Variants in WDR72 observed in about 807,000 individuals in gnomAD.
WDR72 encodes the protein WD repeat-containing protein 72.
In WDR72, 120 loss-of-function variants were observed where a neutral mutation model predicts 124.2. The ratio of observed to expected loss-of-function variants is 0.97; its 90% CI spans 0.83 to 1.12. The LOEUF is 1.12. WDR72 is among the 50% of genes most tolerant of loss of function. The pLI is 0.00. For synonymous variants in WDR72, 452 were observed against 441.7 expected (o/e 1.02, Z -0.29); for missense variants, 1,387 against 1,278.8 (o/e 1.08, Z -1.29).
intron 6 of WDR72, among the ~76,000 whole-genome samples, chr15:53,713,222 C>T (rs748398457): frequency 3.0e-4 from 43 of 143,924 alleles, no homozygotes; most frequent in Non-Finnish European, 4.8e-4. Flanking sequence ...ATCAGGAAAT[C>T]CACTTAGATT....
chr15:53,712,605 C>CAA lies in WDR72; in HGVS notation c.711+165_711+166dup, dbSNP rs58068565. 2.5e-4 allele frequency among the ~76,000 whole-genome samples: 37 copies of CAA among 145,962 alleles called. 1 individual carries two copies. The highest frequency in any genetic ancestry group is 4.3e-4 in the South Asian group (2 of 4,644). ...GTGAGACTGTCAACCACCCCACCGC[C>CAA]AAAAAAAAAAACTGTTACGTCAGTC... On this transcript the variant is annotated intron_variant, in intron 7 of 19. Transcript: ENST00000360509.
chr15:53,711,613 T>G, intron 7 of WDR72, 132 bp from the exon 8 acceptor site: 1 of 969,638 alleles, frequency 1.0e-6, no homozygotes, highest in Non-Finnish European at 1.6e-6. Context: ...ACTCTCATAT[T>G]AAGATGATAT....
intron 14 of WDR72, among the ~76,000 whole-genome samples, chr15:53,664,321 C>G (rs912862659): frequency 6.6e-6 from 1 of 152,178 alleles, no homozygotes; most frequent in South Asian, 2.1e-4. Context: ...AGTTTATATA[C>G]TCATTTTTTA....
intron 14 of WDR72, among the ~76,000 whole-genome samples, chr15:53,643,719 C>T (rs536511807): frequency 2.0e-5 from 3 of 149,798 alleles, no homozygotes; most frequent in East Asian, 1.9e-4. Context: ...AAAACTGAAA[C>T]GTGCGTGTAT....
chr15:53,555,497 G>A (rs183898193), intron 18 of WDR72, among the ~76,000 whole-genome samples: 2 of 152,042 alleles, frequency 1.3e-5, no homozygotes, highest in African/African-American at 4.8e-5. Context: ...TTTTATATCA[G>A]TTTTCTCCTT....
intron 14 of WDR72, among the ~76,000 whole-genome samples, chr15:53,644,302 T>C (rs2014963360): frequency 6.6e-6 from 1 of 152,092 alleles, no homozygotes; most frequent in Admixed American, 6.6e-5. Flanking sequence ...TTCTTGGTGG[T>C]ACATAGTTTT....
At chr15:53,669,441 G>C (rs1234957259) in intron 13 of WDR72, among the ~76,000 whole-genome samples, 1 of 152,126 alleles carries the variant, frequency 6.6e-6, no homozygotes, top group Non-Finnish European at 1.5e-5. Context: ...AGGGCTAGGA[G>C]TCATCCTTCA....
intron 2 of WDR72, among the ~76,000 whole-genome samples, chr15:53,725,802 A>C (rs1168877859): frequency 6.6e-6 from 1 of 152,160 alleles, no homozygotes; most frequent in African/African-American, 2.4e-5. Context: ...GGGGAGCAGG[A>C]GATAAATAGA....
intron 14 of WDR72, among the ~76,000 whole-genome samples, chr15:53,649,553 AAAGTCC>A (rs1212183847): frequency 2.0e-5 from 3 of 152,098 alleles, no homozygotes; most frequent in Non-Finnish European, 4.4e-5. Flanking sequence ...ATTGCTCCCA[AAAGTCC>A]AAGTCCAAGA....
At chr15:53,712,638 A>G in intron 7 of WDR72, 134 bp downstream of exon 7, 1 of 942,676 alleles carries the variant, frequency 1.1e-6, no homozygotes, top group South Asian at 1.7e-5. Context: ...GTCATAAAAG[A>G]CACATCATTC....
chr15:53,708,050 C>T lies in WDR72; in HGVS notation c.955-1976G>A, dbSNP rs530084122. ...GCCTTCACCTTCCACATTGCTGCTT[C>T]TCACTTGCTCACACTCACCGCTTGG... On this transcript the variant is annotated intron_variant, in intron 9 of 19. Transcript: ENST00000360509. 3.3e-5 allele frequency among the ~76,000 whole-genome samples: 5 copies of T among 152,302 alleles called. No homozygotes were observed. In the South Asian group the frequency reaches 1.0e-3, roughly 32 times the overall value.
chr15:53,711,774 C>T (rs990930456), intron 7 of WDR72, among the ~76,000 whole-genome samples: 1 of 152,110 alleles, frequency 6.6e-6, no homozygotes, highest in Non-Finnish European at 1.5e-5. Flanking sequence ...ATAATGAGTA[C>T]TCCAAGTTTT....
At chr15:53,622,765 T>G (rs961755139) in intron 14 of WDR72, among the ~76,000 whole-genome samples, 5 of 151,418 alleles carry the variant, frequency 3.3e-5, no homozygotes, top group Non-Finnish European at 7.4e-5. Context: ...ACATCCTGCA[T>G]ATGTATCCCA....
intron 14 of WDR72, among the ~76,000 whole-genome samples, chr15:53,645,153 A>G (rs1291597944): frequency 6.6e-6 from 1 of 152,100 alleles, no homozygotes; most frequent in African/African-American, 2.4e-5. Flanking sequence ...TGATGCTCCA[A>G]TTGCTTTGGC....
Position 53,609,607 on chromosome 15 carries a change from A to G in WDR72, c.2873-15T>C, listed in dbSNP as rs1456489845. 4.4e-6 allele frequency: 7 copies of G among 1,599,784 alleles called. No homozygotes were observed. Among genetic ancestry groups the G allele is most frequent in the Non-Finnish European group, 5.1e-6 (6 of 1,167,468 alleles). On this transcript the variant is annotated splice_polypyrimidine_tract_variant and intron_variant, in intron 16 of 19. Coordinates refer to ENST00000360509, the MANE Select transcript of WDR72 (RefSeq NM_182758.4). ...TTCATTCTTACCTAGAAATATACAG[A>G]ACACACTTGTATCTTTAGAGTATTA... is the stretch of plus-strand genomic sequence containing the variant.
chr15:53,729,806 A>AT (rs1304273023), intron 2 of WDR72, among the ~76,000 whole-genome samples: 9,342 of 152,222 alleles, frequency 0.061, 964 homozygotes, highest in African/African-American at 0.21. Context: ...TTACAAAAAA[A>AT]AAAATAAAGT....
In WDR72 at chr15:53,515,514, T is replaced by TATCTC. The variant is rs1472360128; in HGVS notation, c.*2180_*2184dup. 6 of 152,218 alleles carry TATCTC rather than the reference T, an allele frequency of 3.9e-5. No homozygotes were observed. Among genetic ancestry groups the TATCTC allele is most frequent in the Non-Finnish European group, 7.3e-5 (5 of 68,032 alleles). The allele number at this position is 152,218 out of a possible 1,614,324, so 9.4% of individuals were successfully genotyped here. Reference sequence around the variant, plus strand: ...GGATATTAGGAGAGCATTGCTTGAATATCTCTAAAACTATTTTTAGGAATT... The same window carrying TATCTC: ...GGATATTAGGAGAGCATTGCTTGAATATCTCATCTCTAAAACTATTTTTAGGAATT... On this transcript the variant is annotated 3_prime_UTR_variant, in exon 20 of 20. Transcript: ENST00000360509.
At chr15:53,671,127 G>A (rs1294726150) in intron 13 of WDR72, among the ~76,000 whole-genome samples, 1 of 152,132 alleles carries the variant, frequency 6.6e-6, no homozygotes, top group East Asian at 1.9e-4. Context: ...ACCTGCTCAT[G>A]ATTTTTTTTT....
upstream of WDR72, among the ~76,000 whole-genome samples, chr15:53,759,900 C>G (rs962858383): frequency 1.3e-5 from 2 of 151,910 alleles, no homozygotes; most frequent in African/African-American, 4.8e-5. Context: ...CCGCCAGCAG[C>G]CTGCGGTTGC....
Sources: allele counts gnomAD v4.1 joint callset (sites outside exome capture counted in the v4.1 genomes callset), GRCh38; gene constraint gnomAD v4.1.1; transcripts MANE v1.5; gene names NCBI Gene and HGNC (gene_info 2026-07-23, HGNC 2026-07-21).